SLC16A6: variants seen among roughly 807,000 people sequenced by gnomAD.
The protein encoded by SLC16A6 is monocarboxylate transporter 7.
In SLC16A6, 15 loss-of-function variants were observed where a neutral mutation model predicts 33.8. The observed-to-expected ratio is 0.44, with a 90% CI of 0.30 to 0.68. SLC16A6 has a LOEUF of 0.68. Among genes scored for constraint, SLC16A6 ranks in the 30% least tolerant of loss-of-function variants. The pLI, the probability that SLC16A6 is intolerant of heterozygous loss-of-function variation, is 0.10. For synonymous variants in SLC16A6, 219 were observed against 248.4 expected (o/e 0.88, Z 1.11); for missense variants, 451 against 661.5 (o/e 0.68, Z 3.49).
chr17:68,277,513 T>G (rs2075563655), intron 2 of SLC16A6, among the ~76,000 whole-genome samples: 1 of 152,174 alleles, frequency 6.6e-6, no homozygotes, highest in South Asian at 2.1e-4. Flanking sequence ...CACTGCAACC[T>G]CCGCCTCCTG....
intron 1 of SLC16A6, among the ~76,000 whole-genome samples, chr17:68,284,149 G>A (rs1555753743): frequency 1.4e-5 from 2 of 147,354 alleles, no homozygotes; most frequent in African/African-American, 2.5e-5. Flanking sequence ...GCTCATGCCT[G>A]TAATCCTTTG....
chr17:68,274,706 A>T (rs2145004837), intron 2 of SLC16A6: 1 of 152,186 alleles, frequency 6.6e-6, no homozygotes, highest in Middle Eastern at 3.4e-3. Flanking sequence ...TGATTGCTTG[A>T]ATTATTTTTT....
chr17:68,283,686 G>A (rs2075770877), intron 1 of SLC16A6, among the ~76,000 whole-genome samples: 1 of 151,068 alleles, frequency 6.6e-6, no homozygotes, highest in African/African-American at 2.4e-5. Context: ...ATCCCTGAAA[G>A]TATAGTCTTG....
chr17:68,288,194 G>T (rs1171527311), intron 1 of SLC16A6, among the ~76,000 whole-genome samples: 1 of 151,878 alleles, frequency 6.6e-6, no homozygotes, highest in East Asian at 1.9e-4. Flanking sequence ...TAGAGACAGG[G>T]TTTCACCATG....
At chr17:68,278,964 G>A (rs1555751930) in intron 1 of SLC16A6, among the ~76,000 whole-genome samples, 1 of 151,966 alleles carries the variant, frequency 6.6e-6, no homozygotes, top group Non-Finnish European at 1.5e-5. Context: ...TAAAGTATTT[G>A]GATACTTTTA....
chr17:68,275,358 G>A (rs1287876363), intron 2 of SLC16A6, among the ~76,000 whole-genome samples: 1 of 152,088 alleles, frequency 6.6e-6, no homozygotes, highest in Non-Finnish European at 1.5e-5. Context: ...CATTTTTTTG[G>A]GTTAGTCTAT....
chr17:68,278,529 A>G (rs957803170), intron 1 of SLC16A6, among the ~76,000 whole-genome samples: 1 of 151,950 alleles, frequency 6.6e-6, no homozygotes, highest in Non-Finnish European at 1.5e-5. Context: ...AGCTCACTGC[A>G]ACCTCTGCAA....
intron 1 of SLC16A6, among the ~76,000 whole-genome samples, chr17:68,288,142 G>T (rs1428635741): frequency 2.0e-5 from 3 of 151,398 alleles, no homozygotes; most frequent in Non-Finnish European, 4.4e-5. Flanking sequence ...GATTAAAGGC[G>T]CATGCCACCA....
intron 1 of SLC16A6, among the ~76,000 whole-genome samples, chr17:68,281,965 T>C (rs2075709441): frequency 1.3e-5 from 2 of 152,134 alleles, no homozygotes; most frequent in South Asian, 4.1e-4. Context: ...GATCTAGAAC[T>C]GGAAATACCA....
Position 68,271,477 on chromosome 17 carries a change from T to C in SLC16A6, c.683A>G (p.Asn228Ser). ...GTCTATTGAGGTTCGTGTTTTCTCATTTTCAAGCATATACTGCGCTTCTTT... is the reference window on the plus strand; with the variant it reads ...GTCTATTGAGGTTCGTGTTTTCTCACTTTCAAGCATATACTGCGCTTCTTT... ...NRKEAQYMLE[N>S]EKTRTSIDSI... is the part of the protein sequence containing the mutation. Residue 228 changes from asparagine (N) to serine (S), a missense_variant, in exon 5 of 6, where the codon AAT becomes AGT. Around this residue, in one of 2 missense-constraint regions of SLC16A6, gnomAD observed 405 missense variants for 510.7 expected, o/e 0.79. Transcript: ENST00000580666. This position sits in a 1 kb window ranked among gnomAD's most constrained non-coding sequence, Gnocchi z 5.3. 6.2e-7 allele frequency: 1 copy of C among 1,614,168 alleles called. No individual in the cohort carries two copies. The highest frequency in any genetic ancestry group is 8.5e-7 in the Non-Finnish European group (1 of 1,180,024).
chr17:68,276,892 T>C (rs1414207342), intron 2 of SLC16A6, among the ~76,000 whole-genome samples: 1 of 152,220 alleles, frequency 6.6e-6, no homozygotes, highest in East Asian at 1.9e-4. Flanking sequence ...AAGATTAGTA[T>C]GTTAAAAATG....
intron 1 of SLC16A6, among the ~76,000 whole-genome samples, chr17:68,290,451 C>A (rs2075946586): frequency 6.6e-6 from 1 of 152,248 alleles, no homozygotes; most frequent in African/African-American, 2.4e-5. Flanking sequence ...AGCCCGGGAA[C>A]CTTGAAGTTG....
intron 3 of SLC16A6, among the ~76,000 whole-genome samples, chr17:68,273,409 T>C (rs1314286306): frequency 6.6e-6 from 1 of 152,092 alleles, no homozygotes; most frequent in Admixed American, 6.6e-5. Flanking sequence ...TTTGTAGAGA[T>C]GGAGTCTCCC....
intron 3 of SLC16A6, among the ~76,000 whole-genome samples, chr17:68,273,073 AG>A (rs201990796): frequency 0.014 from 2,083 of 152,266 alleles, 23 homozygotes; most frequent in Middle Eastern, 0.027. Flanking sequence ...ATTTTATATA[AG>A]ATTTGTATCT....
rs1291118571 is a variant in SLC16A6, at chr17:68,270,909, C to T, written c.1251G>A (p.Lys417=). The stretch of plus-strand genomic sequence containing the variant: ...TGTAGACCCCAGCTGCAGAAGACAT[C>T]TTCTCAATGCCCACGACATCATCCT... The part of the protein sequence containing the change: ...LAEDDVVGIE[K]MSSAAGVYIF... Residue 417 remains lysine (K), a synonymous_variant, in exon 5 of 6, where the codon AAG becomes AAA. Transcript: ENST00000580666. The T allele has an allele frequency of 1.2e-6, 2 of 1,614,100 alleles. No individual in the cohort carries two copies. Among genetic ancestry groups the T allele is most frequent in the Non-Finnish European group, 1.7e-6 (2 of 1,180,044 alleles).
chr17:68,276,905 A>G (rs2075541617), intron 2 of SLC16A6, among the ~76,000 whole-genome samples: 1 of 152,174 alleles, frequency 6.6e-6, no homozygotes, highest in South Asian at 2.1e-4. Context: ...TAAAAATGAT[A>G]CTGAAGCCCC....
At chr17:68,280,042 C>A (rs2075642126) in intron 1 of SLC16A6, among the ~76,000 whole-genome samples, 1 of 151,946 alleles carries the variant, frequency 6.6e-6, no homozygotes, top group Non-Finnish European at 1.5e-5. Context: ...ATTAGCTGGG[C>A]ATGGTGGCAG....
At position 68,275,969 on chromosome 17, in the gene SLC16A6, C is replaced by T. The variant is rs1323394063; in HGVS notation, c.233-1899G>A. On this transcript the variant is annotated intron_variant, in intron 2 of 5. Coordinates refer to ENST00000580666, the MANE Select transcript of SLC16A6 (RefSeq NM_004694.5). ...CTGCACTCCAGCCTAGGCAACAAAG[C>T]GAGACTCCGTCTCAAAAAAAAAAAA... 4.7e-5 allele frequency among the ~76,000 whole-genome samples: 7 copies of T among 148,566 alleles called. No homozygotes were observed. The East Asian group carries it at 5.9e-4, about 13-fold the overall frequency.
Position 68,271,716 on chromosome 17 carries a change from A to C in SLC16A6, c.506-62T>G. 1 of 1,333,482 alleles carries C rather than the reference A, an allele frequency of 7.5e-7. No individual in the cohort carries two copies. The highest frequency in any genetic ancestry group is 1.0e-6 in the Non-Finnish European group (1 of 968,096). The allele number at this position is 1,333,482 out of a possible 1,614,324, so 82.6% of individuals were successfully genotyped here. A position where few individuals can be genotyped will look rare whatever the true frequency, so the allele number is the denominator to read the frequency against. ...GTCAATAATGGACTCAAGACCCAGG[A>C]GAAGCCATCAAGAAGAAATATGGAT... On this transcript the variant is annotated intron_variant, in intron 4 of 5. Transcript: ENST00000580666. The surrounding 1 kb of genome is among the most constrained non-coding windows in gnomAD (Gnocchi z 5.3).
Sources: allele counts gnomAD v4.1 joint callset (sites outside exome capture counted in the v4.1 genomes callset), GRCh38; gene constraint gnomAD v4.1.1; regional missense constraint gnomAD v4.1.1; non-coding constraint Gnocchi (gnomAD v3.1); transcripts MANE v1.5; gene names NCBI Gene and HGNC (gene_info 2026-07-23, HGNC 2026-07-21).